The following GNAI2 variants were observed in gnomAD, a reference collection of about 807,000 sequenced individuals.
GNAI2 encodes guanine nucleotide-binding protein G(i) subunit alpha-2.
GNAI2 carries 4 observed loss-of-function variants against 36.8 expected under a neutral mutation model. The ratio of observed to expected loss-of-function variants is 0.11; its 90% CI spans 0.05 to 0.25. GNAI2 has a LOEUF of 0.25. Among genes scored for constraint, GNAI2 ranks in the 10% least tolerant of loss-of-function variants. The probability of loss-of-function intolerance (pLI) is 1.00; values close to 1 mark genes in which losing one functional copy is unlikely to be tolerated. For synonymous variants in GNAI2, 194 were observed against 194.1 expected, an observed-to-expected ratio of 1.00 and a Z score of 0.01; for missense variants, 230 against 481.3, an observed-to-expected ratio of 0.48 and a Z score of 4.89.
In GNAI2 at chr3:50,241,135, A is replaced by G. The variant is rs587660237; in HGVS notation, c.118+4682A>G. On this transcript the variant is annotated intron_variant, in intron 1 of 8. Transcript: ENST00000313601. The surrounding 1 kb of genome is among the most constrained non-coding windows in gnomAD (Gnocchi z 5.0). Reference sequence around the variant, plus strand: ...GCAGGAGTGACAGACTGCCCTGGGGACCTTAGGCCCAACCTCTGGGGGTCT... The same window carrying G: ...GCAGGAGTGACAGACTGCCCTGGGGGCCTTAGGCCCAACCTCTGGGGGTCT... Among the ~76,000 whole-genome samples the G allele has an allele frequency of 1.3e-4, 20 of 152,046 alleles. No homozygotes were observed. Among genetic ancestry groups the G allele is most frequent in the African/African-American group, 4.6e-4 (19 of 41,456 alleles).
At chr3:50,246,075 C>A (rs1455266676) in intron 1 of GNAI2, among the ~76,000 whole-genome samples, 2 of 152,196 alleles carry the variant, frequency 1.3e-5, no homozygotes, top group Non-Finnish European at 2.9e-5. Flanking sequence ...CCGTGCTGAG[C>A]CTTCTCGGAG....
intron 4 of GNAI2, 117 bp from the exon 5 acceptor site, chr3:50,256,072 AAGC>A: frequency 9.4e-6 from 4 of 425,520 alleles, no homozygotes; most frequent in South Asian, 9.1e-5. Flanking sequence ...AAAAAAAAAA[AAGC>A]AAGGGCTGTG....
At chr3:50,227,165 A>T, upstream of GNAI2, 1 of 1,447,442 alleles carries the variant, frequency 6.9e-7, no homozygotes, top group Non-Finnish European at 9.1e-7. This position sits in a 1 kb window ranked among gnomAD's most constrained non-coding sequence, Gnocchi z 5.9. Flanking sequence ...CGAAGCAGAA[A>T]GGCGGGTGTC....
At position 50,241,176 on chromosome 3, in the gene GNAI2, G is replaced by C. The variant is rs1005327022; in HGVS notation, c.118+4723G>C. Among the ~76,000 whole-genome samples the C allele has an allele frequency of 6.6e-6, 1 of 152,156 alleles. No individual in the cohort carries two copies. Among genetic ancestry groups the C allele is most frequent in the Non-Finnish European group, 1.5e-5 (1 of 68,020 alleles). ...CTGGGGGTCTAGGTTTGGAGATGTG[G>C]TAGGGCCCTGGGTGCCAGGTGGGCC... On this transcript the variant is annotated intron_variant, in intron 1 of 8. Transcript: ENST00000313601. This position sits in a 1 kb window ranked among gnomAD's most constrained non-coding sequence, Gnocchi z 5.0.
intron 1 of GNAI2, among the ~76,000 whole-genome samples, chr3:50,250,293 A>C (rs1204110971): frequency 6.6e-6 from 1 of 152,120 alleles, no homozygotes; most frequent in African/African-American, 2.4e-5. Context: ...TTTGTGTGTT[A>C]GCACCTTCAT....
intron 1 of GNAI2, among the ~76,000 whole-genome samples, chr3:50,247,623 CTG>C (rs1348130948): frequency 2.3e-4 from 35 of 152,252 alleles, no homozygotes; most frequent in African/African-American, 7.5e-4. Context: ...GTTCCCTCCT[CTG>C]GGGCTCAGCA....
rs587665668 is a variant in GNAI2 at position 50,252,678 on chromosome 3, A to C, written c.303+140A>C. The C allele has an allele frequency of 1.5e-6, 1 of 688,260 alleles. No homozygotes were observed. Among genetic ancestry groups the C allele is most frequent in the South Asian group, 1.8e-5 (1 of 54,730 alleles). 42.6% of individuals were successfully genotyped at this position (688,260 alleles called of 1,614,324 possible). On this transcript the variant is annotated intron_variant, in intron 3 of 8. Transcript: ENST00000313601. The surrounding 1 kb of genome is among the most constrained non-coding windows in gnomAD (Gnocchi z 4.1). ...CCTGAGGTCAGGACCAGCCTGGCCAACTTGGTGAAACCGCGTCTCTACTAA... is the reference window on the plus strand; with the variant it reads ...CCTGAGGTCAGGACCAGCCTGGCCACCTTGGTGAAACCGCGTCTCTACTAA...
At chr3:50,251,833 T>C (rs1700565082) in intron 1 of GNAI2, 2 of 1,272,756 alleles carry the variant, frequency 1.6e-6, no homozygotes, top group South Asian at 1.5e-5. Flanking sequence ...TGGGGAGCCA[T>C]GGTGGGCAGC....
rs781805084 is a variant in GNAI2, at chr3:50,257,606, C to T, written c.984C>T (p.Thr328=). ...KEIYTHFTCA[T]DTKNVQFVFD... ...TCTACACGCACTTCACGTGCGCCACCGACACCAAGAACGTGCAGTTCGTGT... is the reference window on the plus strand; with the variant it reads ...TCTACACGCACTTCACGTGCGCCACTGACACCAAGAACGTGCAGTTCGTGT... The change falls in exon 8 of 9, where the codon ACC becomes ACT. Residue 328 remains threonine (T), a synonymous_variant. Coordinates refer to ENST00000313601, the MANE Select transcript of GNAI2 (RefSeq NM_002070.4). 5 of 1,610,968 alleles carry T rather than the reference C, an allele frequency of 3.1e-6. No individual in the cohort carries two copies. The highest frequency in any genetic ancestry group is 2.2e-5 in the East Asian group (1 of 44,770).
chr3:50,237,707 A>G (rs1016968369), intron 1 of GNAI2, among the ~76,000 whole-genome samples: 3 of 149,618 alleles, frequency 2.0e-5, no homozygotes, highest in African/African-American at 7.4e-5. Flanking sequence ...GTCCCCATCC[A>G]GCTTCCCACT....
At chr3:50,227,676 A>G, upstream of GNAI2, among the ~76,000 whole-genome samples, 1 of 152,176 alleles carries the variant, frequency 6.6e-6, no homozygotes, top group East Asian at 1.9e-4. This position sits in a 1 kb window ranked among gnomAD's most constrained non-coding sequence, Gnocchi z 5.9. Context: ...GGCGTGGGTG[A>G]GAGAACCTGG....
At chr3:50,246,841 C>T in intron 1 of GNAI2, 1 of 1,314,040 alleles carries the variant, frequency 7.6e-7, no homozygotes, top group Non-Finnish European at 1.0e-6. Context: ...TGTAGGAGTG[C>T]CGGGTTATAC....
upstream of GNAI2, among the ~76,000 whole-genome samples, chr3:50,232,034 TAA>T (rs34808585): frequency 8.0e-5 from 11 of 137,318 alleles, no homozygotes; most frequent in Non-Finnish European, 9.5e-5. Flanking sequence ...TCATCTCTAT[TAA>T]AAAAAAAAAA....
rs1010182252 is a variant in GNAI2 at position 50,243,826 on chromosome 3, A to G, written c.118+7373A>G. Among the ~76,000 whole-genome samples the G allele has an allele frequency of 5.3e-5, 8 of 152,028 alleles. No homozygotes were observed. The South Asian group carries it at 1.7e-3, about 32-fold the overall frequency. On this transcript the variant is annotated intron_variant, in intron 1 of 8. Coordinates refer to ENST00000313601, the MANE Select transcript of GNAI2 (RefSeq NM_002070.4). The stretch of plus-strand genomic sequence containing the variant: ...CCCTTTGGGAGTCTGTGCTGGCTGG[A>G]AGTAACGGATCAGGCAGGACAGCAG...
At position 50,258,675 on chromosome 3, in the gene GNAI2, AG is replaced by A; in HGVS notation, c.*336del. On this transcript the variant is annotated 3_prime_UTR_variant, in exon 9 of 9. Transcript: ENST00000313601. ...CTGAGTCTCCCAAGGCTGCGTCTGG[AG>A]GGGCCCCTGCTTCTCCAGCCTGGAC... is the stretch of plus-strand genomic sequence containing the variant. 1 of 347,278 alleles carries A rather than the reference AG, an allele frequency of 2.9e-6. No individual in the cohort carries two copies. The highest frequency in any genetic ancestry group is 5.6e-6 in the Non-Finnish European group (1 of 179,090). The allele number at this position is 347,278 out of a possible 1,614,324, so 21.5% of individuals were successfully genotyped here. A position where few individuals can be genotyped will look rare whatever the true frequency, so the allele number is the denominator to read the frequency against.
At chr3:50,256,070 A>G in intron 4 of GNAI2, 122 bp from the exon 5 acceptor site, 1 of 451,972 alleles carries the variant, frequency 2.2e-6, no homozygotes, top group East Asian at 4.1e-5. Flanking sequence ...AAAAAAAAAA[A>G]AAAGCAAGGG....
intron 1 of GNAI2, chr3:50,247,131 T>A: frequency 1.4e-6 from 1 of 704,402 alleles, no homozygotes; most frequent in Non-Finnish European, 2.6e-6. Context: ...AACTTTTACC[T>A]GAATGCTCAC....
At chr3:50,233,052 T>G (rs1553699951), upstream of GNAI2, among the ~76,000 whole-genome samples, 2 of 151,654 alleles carry the variant, frequency 1.3e-5, no homozygotes, top group East Asian at 2.0e-4. Flanking sequence ...GGAGAGGACC[T>G]TGTGGGGTTC....
chr3:50,236,159 C>T, upstream of GNAI2: 1 of 1,161,874 alleles, frequency 8.6e-7, no homozygotes, highest in Non-Finnish European at 1.1e-6. This position sits in a 1 kb window ranked among gnomAD's most constrained non-coding sequence, Gnocchi z 4.0. Context: ...CCACCCCCGG[C>T]CCGCCCCGCC....
Sources: gnomAD v4.1 joint callset for allele counts (sites outside exome capture counted in the v4.1 genomes callset) on GRCh38, gnomAD v4.1.1 for gene constraint, Gnocchi (gnomAD v3.1) non-coding constraint, MANE v1.5 for transcripts, NCBI Gene and HGNC (gene_info 2026-07-23, HGNC 2026-07-21) for gene names.